RNF167: variants seen among roughly 807,000 people sequenced by gnomAD.
RNF167 encodes the protein E3 ubiquitin-protein ligase RNF167.
A neutral mutation model predicts 34.8 loss-of-function variants in RNF167; 19 were observed. The ratio of observed to expected loss-of-function variants is 0.55; its 90% CI spans 0.38 to 0.80. The LOEUF is 0.80. Among genes scored for constraint, RNF167 ranks in the 30% least tolerant of loss-of-function variants. The probability of loss-of-function intolerance (pLI) is 0.00; values close to 1 mark genes in which losing one functional copy is unlikely to be tolerated. For synonymous variants in RNF167, 200 were observed against 170.4 expected, an observed-to-expected ratio of 1.17 and a Z score of -1.35; for missense variants, 464 against 447.0, an observed-to-expected ratio of 1.04 and a Z score of -0.34.
Position 4,944,707 on chromosome 17 carries a change from CT to C in RNF167, c.752-7del. 1 of 1,614,142 alleles carries C rather than the reference CT, an allele frequency of 6.2e-7. No homozygotes were observed. Among genetic ancestry groups the C allele is most frequent in the Non-Finnish European group, 8.5e-7 (1 of 1,180,016 alleles). On this transcript the variant is annotated splice_region_variant and splice_polypyrimidine_tract_variant and intron_variant, in intron 9 of 9. Transcript: ENST00000262482. The stretch of plus-strand genomic sequence containing the variant: ...CCACCAGGTGCTTCACCTTGTTCCT[CT>C]CTGCAGCCTACCACAGCCGCTGCGT...
At position 4,940,934 on chromosome 17, in the gene RNF167, CCTGTGGTTGTGGCCGCTGTG is replaced by C. The variant is rs1567655290; in HGVS notation, c.32_51del (p.Val11GlyfsTer78). The C allele has an allele frequency of 6.2e-7, 1 of 1,609,624 alleles. No homozygotes were observed. The highest frequency in any genetic ancestry group is 8.5e-7 in the Non-Finnish European group (1 of 1,177,112). On this transcript the variant is annotated frameshift_variant, in exon 2 of 10. Transcript: ENST00000262482. LOFTEE classifies it high-confidence loss of function. ...CATGCACCCTGCAGCCTTCCCGCTT[CCTGTGGTTGTGGCCGCTGTG>C]CTGTGGGGAGCGGCCCCGACCCGGG... is the stretch of plus-strand genomic sequence containing the variant.
Position 4,943,468 on chromosome 17 carries a change from C to T in RNF167, c.619C>T (p.Arg207Ter), listed in dbSNP as rs767020543. 1.1e-5 allele frequency: 17 copies of T among 1,613,852 alleles called. No homozygotes were observed. Among genetic ancestry groups the T allele is most frequent in the East Asian group, 4.5e-5 (2 of 44,898 alleles). ...GCACCGGAAACGGCTCCAGCGGAAT[C>T]GACTTACCAAAGAGCAACTGAAACA... ...IQHRKRLQRNRLTKEQLKQIP... is the reference protein window; with the variant it reads ...IQHRKRLQRN Residue 207 changes from arginine to a stop codon, truncating the protein, a stop_gained, in exon 8 of 10, where the codon CGA (arginine) becomes TGA (stop). Coordinates refer to ENST00000262482, the MANE Select transcript of RNF167 (RefSeq NM_015528.3). LOFTEE classifies it high-confidence loss of function.
chr17:4,941,834 T>C (rs1351311300), intron 3 of RNF167, among the ~76,000 whole-genome samples: 1 of 152,096 alleles, frequency 6.6e-6, no homozygotes, highest in African/African-American at 2.4e-5. Context: ...GGAGAATCAC[T>C]TGAAACCGGA....
chr17:4,944,689 G>T, intron 9 of RNF167, 26 bp from the exon 10 acceptor site: 1 of 1,614,122 alleles, frequency 6.2e-7, no homozygotes, highest in Non-Finnish European at 8.5e-7. Context: ...CAGCCACCAG[G>T]TGCTTCACCT....
Position 4,943,201 on chromosome 17 carries a change from G to A in RNF167, c.493G>A (p.Asp165Asn), listed in dbSNP as rs1327299831. Residue 165 changes from aspartate to asparagine, a missense_variant, in exon 7 of 10, where the codon GAC becomes AAC. Asp to Asn is a conservative substitution (Grantham distance 23, BLOSUM62 1). Coordinates refer to ENST00000262482, the MANE Select transcript of RNF167 (RefSeq NM_015528.3). The stretch of plus-strand genomic sequence containing the variant: ...CAGGGCTCGGGTGCTTCTGGTTCCA[G>A]ACAATACCTTCCCCTTGGGCTATTA... Reference protein sequence around the residue: ...EKGARVLLVPDNTFPLGYYLI... With the variant: ...EKGARVLLVPNNTFPLGYYLI... 6.2e-7 allele frequency: 1 copy of A among 1,614,076 alleles called. No homozygotes were observed. The highest frequency in any genetic ancestry group is 1.1e-5 in the South Asian group (1 of 91,062).
At position 4,940,540 on chromosome 17, in the gene RNF167, C is replaced by G. The variant is rs1466915722; in HGVS notation, c.-370C>G. 4.7e-6 allele frequency: 1 copy of G among 214,234 alleles called. No individual in the cohort carries two copies. Among genetic ancestry groups the G allele is most frequent in the Non-Finnish European group, 9.2e-6 (1 of 108,776 alleles). 13.3% of individuals were successfully genotyped at this position (214,234 alleles called of 1,614,324 possible). A position where few individuals can be genotyped will look rare whatever the true frequency, so the allele number is the denominator to read the frequency against. ...AATGCTGAAAGCGGCCTGATTTTCT[C>G]TACCGGAAGCCCTTTTCCAGAGGCT... is the stretch of plus-strand genomic sequence containing the variant. On this transcript the variant is annotated 5_prime_UTR_variant, in exon 2 of 10. Coordinates refer to ENST00000262482, the MANE Select transcript of RNF167 (RefSeq NM_015528.3).
rs149703743 is a variant in RNF167 at position 4,944,843 on chromosome 17, G to A, written c.880G>A (p.Gly294Ser). 2.5e-6 allele frequency: 4 copies of A among 1,613,486 alleles called. No homozygotes were observed. In the African/African-American group the frequency reaches 5.3e-5, roughly 22 times the overall value. The change falls in exon 10 of 10, where the codon GGT (glycine) becomes AGT (serine). Residue 294 changes from glycine to serine, a missense_variant. Physicochemically the swap from Gly to Ser is moderately conservative, Grantham distance 56. Coordinates refer to ENST00000262482, the MANE Select transcript of RNF167 (RefSeq NM_015528.3). ...QEEETQGQEE[G>S]DEGEPRDHPA... is the part of the protein sequence containing the mutation. ...GGAAGAAACTCAAGGGCAAGAGGAG[G>A]GTGATGAAGGGGAGCCAAGGGACCA...
In RNF167 at chr17:4,944,827, TCAAGGG is replaced by T. The variant is rs1971236756; in HGVS notation, c.869_874del (p.Gly290_Gln291del). On this transcript the variant is annotated inframe_deletion, in exon 10 of 10. Coordinates refer to ENST00000262482, the MANE Select transcript of RNF167 (RefSeq NM_015528.3). ...GGGACGAAGACCAAGAGGAAGAAAC[TCAAGGG>T]CAAGAGGAGGGTGATGAAGGGGAGC... 6.2e-7 allele frequency: 1 copy of T among 1,612,466 alleles called. No homozygotes were observed. The highest frequency in any genetic ancestry group is 1.3e-5 in the African/African-American group (1 of 74,796).
Position 4,942,647 on chromosome 17 carries a change from A to C in RNF167, c.362A>C (p.Asn121Thr). ...VHNVNSNELL[N>T]MVWNSEEIQQ... is the part of the protein sequence containing the mutation. ...AATGTGAATTCCAATGAACTTCTGAACATGGTGTGGAATAGTGGTAAGGCT... is the reference window on the plus strand; with the variant it reads ...AATGTGAATTCCAATGAACTTCTGACCATGGTGTGGAATAGTGGTAAGGCT... The change falls in exon 5 of 10, where the codon AAC (asparagine) becomes ACC (threonine). Residue 121 changes from asparagine to threonine, a missense_variant. By Grantham distance (65) the Asn-to-Thr change is moderately conservative. Coordinates refer to ENST00000262482, the MANE Select transcript of RNF167 (RefSeq NM_015528.3). 2 of 1,614,198 alleles carry C rather than the reference A, an allele frequency of 1.2e-6. No individual in the cohort carries two copies. Among genetic ancestry groups the C allele is most frequent in the Non-Finnish European group, 1.7e-6 (2 of 1,180,030 alleles).
chr17:4,943,320 G>GCA, intron 7 of RNF167, 36 bp downstream of exon 7: 1 of 1,596,718 alleles, frequency 6.3e-7, no homozygotes, highest in East Asian at 2.2e-5. Context: ...GAAGCACTGA[G>GCA]GCCTGTGAGG....
Position 4,940,851 on chromosome 17 carries a change from C to G in RNF167, c.-59C>G. On this transcript the variant is annotated 5_prime_UTR_variant, in exon 2 of 10. Coordinates refer to ENST00000262482, the MANE Select transcript of RNF167 (RefSeq NM_015528.3). ...GAGGGGCAGGGAGGGCGCAGAACTCCGCTTCTGCTCCTTGCTACCAGGACG... is the reference window on the plus strand; with the variant it reads ...GAGGGGCAGGGAGGGCGCAGAACTCGGCTTCTGCTCCTTGCTACCAGGACG... The G allele has an allele frequency of 6.8e-7, 1 of 1,459,880 alleles. No homozygotes were observed. The highest frequency in any genetic ancestry group is 9.2e-7 in the Non-Finnish European group (1 of 1,085,118). The allele number at this position is 1,459,880 out of a possible 1,614,324, so 90.4% of individuals were successfully genotyped here.
chr17:4,942,836 C>T lies in RNF167; in HGVS notation c.380-15C>T. 4 of 1,613,260 alleles carry T rather than the reference C, an allele frequency of 2.5e-6. No homozygotes were observed. The highest frequency in any genetic ancestry group is 3.4e-6 in the Non-Finnish European group (4 of 1,179,210). ...AAGGTTGTGAGTCCCCAGAGTAACA[C>T]CTTGATCCCTGCAGAGGAAATCCAG... is the stretch of plus-strand genomic sequence containing the variant. On this transcript the variant is annotated splice_polypyrimidine_tract_variant and intron_variant, in intron 5 of 9. Transcript: ENST00000262482.
intron 6 of RNF167, 101 bp downstream of exon 6, chr17:4,943,042 C>A: frequency 7.6e-7 from 1 of 1,319,204 alleles, no homozygotes; most frequent in Non-Finnish European, 1.1e-6. Flanking sequence ...GCCTCCTGTC[C>A]TTCCTTCCCT....
rs1971035574 is a variant in RNF167 at position 4,943,421 on chromosome 17, C to G, written c.577-5C>G. On this transcript the variant is annotated splice_polypyrimidine_tract_variant and splice_region_variant and intron_variant, in intron 7 of 9. Transcript: ENST00000262482. ...GCCTTGTCCATCCACCCCCGCTTCC[C>G]CCAGATAGCTCGTTGTATCCAGCAC... The G allele has an allele frequency of 3.1e-6, 5 of 1,613,236 alleles. No homozygotes were observed. Among genetic ancestry groups the G allele is most frequent in the Non-Finnish European group, 3.4e-6 (4 of 1,179,690 alleles).
At chr17:4,943,891 CTG>C (rs1307316992) in intron 8 of RNF167, among the ~76,000 whole-genome samples, 1 of 152,164 alleles carries the variant, frequency 6.6e-6, no homozygotes, top group Non-Finnish European at 1.5e-5. Flanking sequence ...AATTGGGAGA[CTG>C]AGACAGGAGA....
chr17:4,941,418 C>G (rs890025531), intron 3 of RNF167, among the ~76,000 whole-genome samples: 1 of 152,178 alleles, frequency 6.6e-6, no homozygotes, highest in African/African-American at 2.4e-5. Flanking sequence ...AGACAGAAGG[C>G]AGGATCAACG....
Position 4,944,800 on chromosome 17 carries a change from T to C in RNF167, c.837T>C (p.Pro279=), listed in dbSNP as rs1971233249. ...GCAAGCAGCCTGTTCATCGGGGTCC[T>C]GGGGACGAAGACCAAGAGGAAGAAA... ...PICKQPVHRG[P]GDEDQEEETQ... Residue 279 remains proline, a synonymous_variant, in exon 10 of 10, where the codon CCT becomes CCC. Coordinates refer to ENST00000262482, the MANE Select transcript of RNF167 (RefSeq NM_015528.3). 6.2e-7 allele frequency: 1 copy of C among 1,612,206 alleles called. No homozygotes were observed. The highest frequency in any genetic ancestry group is 1.3e-5 in the African/African-American group (1 of 74,846).
chr17:4,944,746 C>T lies in RNF167; in HGVS notation c.783C>T (p.Leu261=). ...ACAGCCGCTGCGTGGACCCCTGGCT[C>T]ACTCAGACCCGGAAGACCTGCCCCA... is the stretch of plus-strand genomic sequence containing the variant. The part of the protein sequence containing the change: ...AYHSRCVDPW[L]TQTRKTCPIC... The change falls in exon 10 of 10, where the codon CTC becomes CTT. Residue 261 remains leucine (L), a synonymous_variant. Transcript: ENST00000262482. The T allele has an allele frequency of 6.2e-7, 1 of 1,613,766 alleles. No homozygotes were observed.
In RNF167 at chr17:4,942,932, A is replaced by G. The variant is rs761820524; in HGVS notation, c.461A>G (p.Tyr154Cys). ...SSEYLRALFV[Y>C]EKGARVLLVP... ...GAGTACCTGCGTGCCCTCTTTGTCT[A>G]CGAGAAGGGGTAGGACATGTGCCTC... is the stretch of plus-strand genomic sequence containing the variant. Residue 154 changes from tyrosine (Y) to cysteine (C), a missense_variant, in exon 6 of 10, where the codon TAC (tyrosine) becomes TGC (cysteine). Coordinates refer to ENST00000262482, the MANE Select transcript of RNF167 (RefSeq NM_015528.3). The G allele has an allele frequency of 6.2e-7, 1 of 1,613,962 alleles. No homozygotes were observed. The highest frequency in any genetic ancestry group is 2.2e-5 in the East Asian group (1 of 44,886).
Sources: allele counts gnomAD v4.1 joint callset (sites outside exome capture counted in the v4.1 genomes callset), GRCh38; gene constraint gnomAD v4.1.1; transcripts MANE v1.5; gene names NCBI Gene and HGNC (gene_info 2026-07-23, HGNC 2026-07-21).